Variants in CA10 observed in about 807,000 individuals in gnomAD.
The protein encoded by CA10 is carbonic anhydrase-related protein 10.
Under a neutral mutation model 44.2 loss-of-function variants are expected in CA10, and 14 were observed. The observed-to-expected ratio is 0.32, with a 90% CI of 0.21 to 0.50. The LOEUF (loss-of-function observed/expected upper bound fraction) is 0.50. Among genes scored for constraint, CA10 ranks in the 20% least tolerant of loss-of-function variants. CA10 has a pLI of 0.99. For synonymous variants in CA10, 159 were observed against 141.6 expected (o/e 1.12, Z -0.87); for missense variants, 350 against 409.7 (o/e 0.85, Z 1.26).
chr17:51,637,996 G>A (rs1172707454), intron 6 of CA10, among the ~76,000 whole-genome samples: 1 of 152,150 alleles, frequency 6.6e-6, no homozygotes, highest in Non-Finnish European at 1.5e-5. Context: ...AGTAATAAGT[G>A]CACCTTGACC....
chr17:52,006,897 C>T (rs965485043), intron 2 of CA10, among the ~76,000 whole-genome samples: 13 of 151,746 alleles, frequency 8.6e-5, no homozygotes, highest in African/African-American at 2.9e-4. Flanking sequence ...CAGTCGTGCA[C>T]ATTGTGATTC....
chr17:52,126,415 T>A (rs931950554), intron 1 of CA10, among the ~76,000 whole-genome samples: 1 of 152,320 alleles, frequency 6.6e-6, no homozygotes, highest in African/African-American at 2.4e-5. Flanking sequence ...CATCAGTCAT[T>A]TAGATGTTTG....
intron 2 of CA10, among the ~76,000 whole-genome samples, chr17:51,946,389 T>C (rs1248893975): frequency 6.6e-6 from 1 of 152,142 alleles, no homozygotes; most frequent in African/African-American, 2.4e-5. Context: ...ATCAGATGCT[T>C]GTAGTATCTC....
intron 1 of CA10, among the ~76,000 whole-genome samples, chr17:52,106,155 C>T (rs1988657503): frequency 6.6e-6 from 1 of 152,192 alleles, no homozygotes; most frequent in Non-Finnish European, 1.5e-5. Flanking sequence ...TTTCTAAATG[C>T]ACAAACGAAT....
At chr17:52,075,009 C>T (rs375726673) in intron 1 of CA10, among the ~76,000 whole-genome samples, 10 of 152,266 alleles carry the variant, frequency 6.6e-5, no homozygotes, top group Admixed American at 2.0e-4. Context: ...TGCTTTCTCA[C>T]TACAATGGCA....
chr17:51,846,781 C>A (rs1978513558), intron 3 of CA10, among the ~76,000 whole-genome samples: 1 of 152,202 alleles, frequency 6.6e-6, no homozygotes, highest in Admixed American at 6.5e-5. Flanking sequence ...CCGCTGTGGG[C>A]TGATTTGTGT....
chr17:51,775,350 T>C (rs930943992), intron 3 of CA10, among the ~76,000 whole-genome samples: 1 of 152,164 alleles, frequency 6.6e-6, no homozygotes, highest in African/African-American at 2.4e-5. Flanking sequence ...CTTTGCAGCA[T>C]ATGTTAGCTG....
chr17:52,006,942 T>C (rs1289423836), intron 2 of CA10, among the ~76,000 whole-genome samples: 1 of 151,792 alleles, frequency 6.6e-6, no homozygotes, highest in African/African-American at 2.4e-5. Flanking sequence ...ATCCTTGAAT[T>C]GCACGTTATA....
At chr17:51,931,770 A>G (rs1030610435) in intron 2 of CA10, among the ~76,000 whole-genome samples, 3 of 152,158 alleles carry the variant, frequency 2.0e-5, no homozygotes, top group Non-Finnish European at 4.4e-5. Context: ...AATGACATTA[A>G]GAGCTGAGCA....
intron 2 of CA10, among the ~76,000 whole-genome samples, chr17:52,028,628 T>A (rs1358374137): frequency 6.6e-6 from 1 of 152,150 alleles, no homozygotes; most frequent in East Asian, 1.9e-4. Flanking sequence ...TTGGAGGCCG[T>A]TGCTCTGGAA....
At chr17:51,923,380 G>C (rs1365769993) in intron 3 of CA10, among the ~76,000 whole-genome samples, 1 of 151,964 alleles carries the variant, frequency 6.6e-6, no homozygotes, top group Non-Finnish European at 1.5e-5. Flanking sequence ...ATAAAGTCTT[G>C]TTTGACAAAC....
intron 3 of CA10, among the ~76,000 whole-genome samples, chr17:51,773,082 C>T (rs1598037930): frequency 6.6e-6 from 1 of 152,296 alleles, no homozygotes; most frequent in East Asian, 1.9e-4. Context: ...TTTCTATTTC[C>T]TACCTGACTA....
intron 2 of CA10, among the ~76,000 whole-genome samples, chr17:52,001,164 G>A (rs1985411530): frequency 6.6e-6 from 1 of 151,942 alleles, no homozygotes; most frequent in Admixed American, 6.6e-5. Flanking sequence ...CCTGAGGCCT[G>A]TTTCTGTGTG....
intron 3 of CA10, among the ~76,000 whole-genome samples, chr17:51,748,200 G>A (rs972360311): frequency 6.6e-6 from 1 of 152,206 alleles, no homozygotes; most frequent in Non-Finnish European, 1.5e-5. Flanking sequence ...CAGTTAGCAA[G>A]GGGTGAGATA....
At chr17:51,990,536 C>A (rs775591114) in intron 2 of CA10, among the ~76,000 whole-genome samples, 1 of 151,994 alleles carries the variant, frequency 6.6e-6, no homozygotes, top group Non-Finnish European at 1.5e-5. Context: ...GGAGACAGTA[C>A]AAAACTGAGA....
At chr17:51,998,657 T>C (rs1469270095) in intron 2 of CA10, among the ~76,000 whole-genome samples, 2 of 152,078 alleles carry the variant, frequency 1.3e-5, no homozygotes, top group Non-Finnish European at 2.9e-5. Context: ...CTAATACCTA[T>C]GTTTTCAATT....
chr17:51,786,214 C>CTGTGTGTGTG (rs71357856), intron 3 of CA10, among the ~76,000 whole-genome samples: 3 of 148,024 alleles, frequency 2.0e-5, no homozygotes, highest in African/African-American at 4.9e-5. Context: ...CTTTGTGTGT[C>CTGTGTGTGTG]TGTGTGTGTG....
chr17:52,041,016 G>A (rs998470300), intron 2 of CA10, among the ~76,000 whole-genome samples: 2 of 151,982 alleles, frequency 1.3e-5, no homozygotes, highest in East Asian at 1.9e-4. Context: ...ACAACATCAG[G>A]TAGAACCCAT....
intron 3 of CA10, among the ~76,000 whole-genome samples, chr17:51,887,231 A>AAGTT (rs1980646232): frequency 6.6e-6 from 1 of 152,058 alleles, no homozygotes; most frequent in East Asian, 1.9e-4. Context: ...ATTTGTCTTC[A>AAGTT]AGTTAGGGTC....
Sources: gnomAD v4.1 joint callset for allele counts (sites outside exome capture counted in the v4.1 genomes callset) on GRCh38, gnomAD v4.1.1 for gene constraint, MANE v1.5 for transcripts, NCBI Gene and HGNC (gene_info 2026-07-23, HGNC 2026-07-21) for gene names.